Variants in KCNQ1 observed in about 807,000 individuals in gnomAD.
KCNQ1 encodes potassium voltage-gated channel subfamily KQT member 1.
A neutral mutation model predicts 72.4 loss-of-function variants in KCNQ1; 49 were observed. The ratio of observed to expected loss-of-function variants is 0.68; its 90% confidence interval spans 0.54 to 0.86. The LOEUF (loss-of-function observed/expected upper bound fraction) is 0.86, where lower values mean the gene tolerates loss of function less well. Ranked by LOEUF, KCNQ1 falls within the 40% of genes least tolerant of loss-of-function variation. The pLI, the probability that KCNQ1 is intolerant of heterozygous loss-of-function variation, is 0.00. For synonymous variants in KCNQ1, 450 were observed against 412.6 expected (o/e 1.09, Z -1.10); for missense variants, 790 against 945.1 (o/e 0.84, Z 2.15).
In KCNQ1 at chr11:2,663,084, G is replaced by A. The variant is rs1256123445; in HGVS notation, c.1514+1003G>A. ...GGCAGGGTTGGGTAGCCAGAATGAG[G>A]CCACCTCCAGGGAAGGAGTGGCTAT... On this transcript the variant is annotated intron_variant, in intron 11 of 15. Coordinates refer to ENST00000155840, the MANE Select transcript of KCNQ1 (RefSeq NM_000218.3). The surrounding 1 kb of genome is among the most constrained non-coding windows in gnomAD (Gnocchi z 5.2). The A allele has an allele frequency of 7.5e-6, 3 of 398,716 alleles. No individual in the cohort carries two copies. The highest frequency in any genetic ancestry group is 7.1e-5 in the East Asian group (2 of 28,068). The allele number at this position is 398,716 out of a possible 1,614,324, so 24.7% of individuals were successfully genotyped here.
intron 10 of KCNQ1, chr11:2,625,944 C>G: frequency 2.5e-6 from 1 of 398,566 alleles, no homozygotes; most frequent in Non-Finnish European, 4.4e-6. Context: ...GGACATTAAT[C>G]CCTTATCAGG....
Position 2,725,251 on chromosome 11 carries a change from C to T in KCNQ1, c.1515-43593C>T, listed in dbSNP as rs1284668099. ...ACAAGTTCCCAGAATCCATCCGGGA[C>T]AGACGGCTGGACTTGTGAAACACTC... is the stretch of plus-strand genomic sequence containing the variant. On this transcript the variant is annotated intron_variant, in intron 11 of 15. Transcript: ENST00000155840. The surrounding 1 kb of genome is among the most constrained non-coding windows in gnomAD (Gnocchi z 7.2). Among the ~76,000 whole-genome samples the T allele has an allele frequency of 6.6e-6, 1 of 152,256 alleles. No homozygotes were observed. Among genetic ancestry groups the T allele is most frequent in the East Asian group, 1.9e-4 (1 of 5,198 alleles).
chr11:2,678,641 C>T lies in KCNQ1; in HGVS notation c.1514+16560C>T, dbSNP rs1850335175. ...TTACTTAAGAGCCAATAATGGGAAG[C>T]TCATTTTCACAAATGCAGTCAACCA... On this transcript the variant is annotated intron_variant, in intron 11 of 15. Transcript: ENST00000155840. This position sits in a 1 kb window ranked among gnomAD's most constrained non-coding sequence, Gnocchi z 4.9. 2.5e-6 allele frequency: 1 copy of T among 395,394 alleles called. No homozygotes were observed. The highest frequency in any genetic ancestry group is 3.6e-5 in the East Asian group (1 of 27,960). 24.5% of individuals were successfully genotyped at this position (395,394 alleles called of 1,614,324 possible).
chr11:2,631,415 C>T, intron 10 of KCNQ1: 1 of 398,452 alleles, frequency 2.5e-6, no homozygotes, highest in Non-Finnish European at 4.4e-6. Context: ...TTCTTCACCT[C>T]CAAAATGTTT....
chr11:2,482,624 TGGACATCACTGACTCC>T lies in KCNQ1; in HGVS notation c.386+37141_386+37156del, dbSNP rs1406222777. 2.3e-4 allele frequency among the ~76,000 whole-genome samples: 35 copies of T among 152,272 alleles called. No homozygotes were observed. The highest frequency in any genetic ancestry group is 7.9e-4 in the African/African-American group (33 of 41,572). On this transcript the variant is annotated intron_variant, in intron 1 of 15. Transcript: ENST00000155840. The surrounding 1 kb of genome is among the most constrained non-coding windows in gnomAD (Gnocchi z 5.7). ...CTAATTTAGCTTCCTACTGTGCTGC[TGGACATCACTGACTCC>T]CCCCGCCAACCCCCACCCCACACTG...
chr11:2,826,797 A>G lies in KCNQ1; in HGVS notation c.1795-20970A>G, dbSNP rs1237223566. Reference sequence around the variant, plus strand: ...GAGCCATGCTGGGTGCTGGGGAGACACACTAACCACTTCCCCATATGCTCA... The same window carrying G: ...GAGCCATGCTGGGTGCTGGGGAGACGCACTAACCACTTCCCCATATGCTCA... On this transcript the variant is annotated intron_variant, in intron 15 of 15. Transcript: ENST00000155840. The surrounding 1 kb of genome is among the most constrained non-coding windows in gnomAD (Gnocchi z 4.2). Among the ~76,000 whole-genome samples the G allele has an allele frequency of 6.6e-6, 1 of 152,230 alleles. No homozygotes were observed. Among genetic ancestry groups the G allele is most frequent in the Non-Finnish European group, 1.5e-5 (1 of 68,040 alleles).
At position 2,687,571 on chromosome 11, in the gene KCNQ1, CT is replaced by C. The variant is rs1200538500; in HGVS notation, c.1514+25491del. On this transcript the variant is annotated intron_variant, in intron 11 of 15. Coordinates refer to ENST00000155840, the MANE Select transcript of KCNQ1 (RefSeq NM_000218.3). This position sits in a 1 kb window ranked among gnomAD's most constrained non-coding sequence, Gnocchi z 5.0. Reference sequence around the variant, plus strand: ...TACCACAGCCCACTCTGATGACCCCCTGTCAAGGAGGTGTGACTGAGAAAGG... The same window carrying C: ...TACCACAGCCCACTCTGATGACCCCCGTCAAGGAGGTGTGACTGAGAAAGG... The C allele has an allele frequency of 7.5e-6, 3 of 398,634 alleles. No homozygotes were observed. Among genetic ancestry groups the C allele is most frequent in the African/African-American group, 2.1e-5 (1 of 48,630 alleles). 24.7% of individuals were successfully genotyped at this position (398,634 alleles called of 1,614,324 possible). A position where few individuals can be genotyped will look rare whatever the true frequency, so the allele number is the denominator to read the frequency against.
chr11:2,792,549 G>A (rs915537611), intron 15 of KCNQ1, among the ~76,000 whole-genome samples: 1 of 152,230 alleles, frequency 6.6e-6, no homozygotes, highest in African/African-American at 2.4e-5. Context: ...CAGGGTGTGC[G>A]GGCTGCCAGG....
At position 2,682,937 on chromosome 11, in the gene KCNQ1, G is replaced by C. The variant is rs1336671901; in HGVS notation, c.1514+20856G>C. ...CCTGGAGAGGTGCTCAGGTCTGTGTGGAAGAAAGGACAGGAGTCCTTCTGC... is the reference window on the plus strand; with the variant it reads ...CCTGGAGAGGTGCTCAGGTCTGTGTCGAAGAAAGGACAGGAGTCCTTCTGC... On this transcript the variant is annotated intron_variant, in intron 11 of 15. Transcript: ENST00000155840. The surrounding 1 kb of genome is among the most constrained non-coding windows in gnomAD (Gnocchi z 5.8). The C allele has an allele frequency of 5.0e-6, 2 of 398,456 alleles. No individual in the cohort carries two copies. Among genetic ancestry groups the C allele is most frequent in the African/African-American group, 2.1e-5 (1 of 48,604 alleles). The allele number at this position is 398,456 out of a possible 1,614,324, so 24.7% of individuals were successfully genotyped here. A position where few individuals can be genotyped will look rare whatever the true frequency, so the allele number is the denominator to read the frequency against.
At chr11:2,795,444 C>T (rs1410199888) in intron 15 of KCNQ1, among the ~76,000 whole-genome samples, 1 of 152,232 alleles carries the variant, frequency 6.6e-6, no homozygotes, top group Non-Finnish European at 1.5e-5. Context: ...CGAGGGGCTC[C>T]TCCTCCTCCA....
intron 11 of KCNQ1, among the ~76,000 whole-genome samples, chr11:2,736,432 G>C (rs976457785): frequency 2.2e-4 from 34 of 152,156 alleles, no homozygotes; most frequent in African/African-American, 7.7e-4. Context: ...CTTGTGACCA[G>C]TGGGCTTGGG....
intron 15 of KCNQ1, among the ~76,000 whole-genome samples, chr11:2,840,901 CACTT>C (rs1378947549): frequency 2.0e-5 from 3 of 152,160 alleles, no homozygotes; most frequent in Admixed American, 2.0e-4. Context: ...GCCGGGGCCT[CACTT>C]ACTAATTCAA....
chr11:2,725,673 G>A lies in KCNQ1; in HGVS notation c.1515-43171G>A, dbSNP rs1348737221. Reference sequence around the variant, plus strand: ...CCTGCCTTCAGTGCCAAAGCCCCAGGCCCACAGGCTGTGCACTCCAGCCGA... The same window carrying A: ...CCTGCCTTCAGTGCCAAAGCCCCAGACCCACAGGCTGTGCACTCCAGCCGA... On this transcript the variant is annotated intron_variant, in intron 11 of 15. Transcript: ENST00000155840. The surrounding 1 kb of genome is among the most constrained non-coding windows in gnomAD (Gnocchi z 7.2). Among the ~76,000 whole-genome samples the A allele has an allele frequency of 2.6e-5, 4 of 152,234 alleles. No individual in the cohort carries two copies. The East Asian group carries it at 7.7e-4, about 29-fold the overall frequency.
rs780231722 is a variant in KCNQ1, at chr11:2,570,702, C to T, written c.552C>T (p.Tyr184=). Residue 184 remains tyrosine (Y), a synonymous_variant, in exon 3 of 16, where the codon TAC becomes TAT. Transcript: ENST00000155840. The part of the protein sequence containing the change: ...RLWSAGCRSK[Y]VGLWGRLRFA... Reference sequence around the variant, plus strand: ...GGTCCGCCGGCTGCCGCAGCAAGTACGTGGGCCTCTGGGGGCGGCTGCGCT... The same window carrying T: ...GGTCCGCCGGCTGCCGCAGCAAGTATGTGGGCCTCTGGGGGCGGCTGCGCT... 18 of 1,612,518 alleles carry T rather than the reference C, an allele frequency of 1.1e-5. No homozygotes were observed. Among genetic ancestry groups the T allele is most frequent in the East Asian group, 2.2e-5 (1 of 44,898 alleles).
intron 11 of KCNQ1, chr11:2,696,371 T>TA (rs1850676667): frequency 1.0e-5 from 4 of 398,568 alleles, no homozygotes; most frequent in Non-Finnish European, 1.8e-5. Flanking sequence ...TCCCCACTGA[T>TA]ATGTGGTGCC....
In KCNQ1 at chr11:2,592,489, T is replaced by G. The variant is rs1848683412; in HGVS notation, c.1393+3635T>G. 6.7e-6 allele frequency among the ~76,000 whole-genome samples: 1 copy of G among 149,328 alleles called. No homozygotes were observed. On this transcript the variant is annotated intron_variant, in intron 10 of 15. Transcript: ENST00000155840. This position sits in a 1 kb window ranked among gnomAD's most constrained non-coding sequence, Gnocchi z 5.2. Reference sequence around the variant, plus strand: ...CGCAGCAGGGCCCGCTGCTGCTCCCTCAACCTTCTGACCTGGGTGGGGAGG... The same window carrying G: ...CGCAGCAGGGCCCGCTGCTGCTCCCGCAACCTTCTGACCTGGGTGGGGAGG...
At chr11:2,529,447 G>A (rs1169740867) in intron 2 of KCNQ1, among the ~76,000 whole-genome samples, 3 of 152,076 alleles carry the variant, frequency 2.0e-5, no homozygotes, top group South Asian at 2.1e-4. Context: ...CTGACATCTC[G>A]GTGGTCTCCA....
In KCNQ1 at chr11:2,507,519, G is replaced by T. The variant is rs1460807685; in HGVS notation, c.387-20409G>T. Among the ~76,000 whole-genome samples, 1 of 152,198 alleles carries T rather than the reference G, an allele frequency of 6.6e-6. No individual in the cohort carries two copies. Among genetic ancestry groups the T allele is most frequent in the Non-Finnish European group, 1.5e-5 (1 of 68,036 alleles). Reference sequence around the variant, plus strand: ...CGGGTGCAGCGGGAGGAAGAGAAAAGGATGCTGCTGGGACCCCTCGCACCT... The same window carrying T: ...CGGGTGCAGCGGGAGGAAGAGAAAATGATGCTGCTGGGACCCCTCGCACCT... On this transcript the variant is annotated intron_variant, in intron 1 of 15. Coordinates refer to ENST00000155840, the MANE Select transcript of KCNQ1 (RefSeq NM_000218.3). This position sits in a 1 kb window ranked among gnomAD's most constrained non-coding sequence, Gnocchi z 5.4.
chr11:2,520,010 C>T (rs552532734), intron 1 of KCNQ1, among the ~76,000 whole-genome samples: 12 of 152,260 alleles, frequency 7.9e-5, no homozygotes, highest in Admixed American at 1.3e-4. Flanking sequence ...CGCGGGAGCC[C>T]GCAGAGGCTG....
Sources: allele counts gnomAD v4.1 joint callset (sites outside exome capture counted in the v4.1 genomes callset), GRCh38; gene constraint gnomAD v4.1.1; non-coding constraint Gnocchi (gnomAD v3.1); transcripts MANE v1.5; gene names NCBI Gene and HGNC (gene_info 2026-07-23, HGNC 2026-07-21).